Variants in KCNH6 observed in about 807,000 individuals in gnomAD.
KCNH6 encodes the protein voltage-gated inwardly rectifying potassium channel KCNH6.
KCNH6 carries 81 observed loss-of-function variants against 83.4 expected under a neutral mutation model. That is an observed-to-expected ratio of 0.97 (90% CI 0.81 to 1.17). The LOEUF (loss-of-function observed/expected upper bound fraction) is 1.17, where lower values mean the gene tolerates loss of function less well. Among genes scored for constraint, KCNH6 ranks in the 50% most tolerant of loss-of-function variants. The probability of loss-of-function intolerance (pLI) is 0.00; values close to 1 mark genes in which losing one functional copy is unlikely to be tolerated. For synonymous variants in KCNH6, 503 were observed against 545.6 expected (o/e 0.92, Z 1.09); for missense variants, 1,203 against 1,290.5 (o/e 0.93, Z 1.04).
chr17:63,542,366 C>A lies in KCNH6; in HGVS notation c.2080C>A (p.Leu694Met). 6.2e-7 allele frequency: 1 copy of A among 1,614,214 alleles called. No individual in the cohort carries two copies. Among genetic ancestry groups the A allele is most frequent in the Non-Finnish European group, 8.5e-7 (1 of 1,180,046 alleles). ...KIQRADLLEV[L>M]DMYPAFAESF... ...CCAGCGGGCAGATCTGCTGGAGGTG[C>A]TGGACATGTACCCGGCCTTTGCGGA... Residue 694 changes from leucine (L) to methionine (M), a missense_variant, in exon 9 of 13, where the codon CTG becomes ATG. By Grantham distance (15) the Leu-to-Met change is conservative. Coordinates refer to ENST00000314672, the MANE Select transcript of KCNH6 (RefSeq NM_001278919.2).
rs2032378798 is a variant in KCNH6, at chr17:63,534,852, A to G, written c.1101+541A>G. On this transcript the variant is annotated intron_variant, in intron 5 of 12. Transcript: ENST00000314672. The surrounding 1 kb of genome is among the most constrained non-coding windows in gnomAD (Gnocchi z 5.0). Reference sequence around the variant, plus strand: ...GCCTTCTGTGTTCCAGTGCCCCCTTATCACCCCAGCCTGTCCAGCAGGGGG... The same window carrying G: ...GCCTTCTGTGTTCCAGTGCCCCCTTGTCACCCCAGCCTGTCCAGCAGGGGG... Among the ~76,000 whole-genome samples, 1 of 151,648 alleles carries G rather than the reference A, an allele frequency of 6.6e-6. No individual in the cohort carries two copies. Among genetic ancestry groups the G allele is most frequent in the South Asian group, 2.1e-4 (1 of 4,804 alleles).
At chr17:63,541,231 G>A (rs2032839672) in intron 8 of KCNH6, among the ~76,000 whole-genome samples, 1 of 150,550 alleles carries the variant, frequency 6.6e-6, no homozygotes, top group South Asian at 2.1e-4. Flanking sequence ...CATCACCCAT[G>A]TCTACCCTGG....
At chr17:63,537,879 G>A (rs1474718494) in intron 6 of KCNH6, among the ~76,000 whole-genome samples, 186 bp from the exon 7 acceptor site, 1 of 152,230 alleles carries the variant, frequency 6.6e-6, no homozygotes, top group Non-Finnish European at 1.5e-5. Flanking sequence ...ACAGAGGGAG[G>A]AGGGCAGAAA....
rs747377240 is a variant in KCNH6 at position 63,534,048 on chromosome 17, T to C, written c.838T>C (p.Phe280Leu). 5.6e-6 allele frequency: 9 copies of C among 1,614,070 alleles called. No homozygotes were observed. The change falls in exon 5 of 13, where the codon TTC becomes CTC. Residue 280 changes from phenylalanine (F) to leucine (L), a missense_variant. Phe to Leu is a conservative substitution (Grantham distance 22). Transcript: ENST00000314672. The surrounding 1 kb of genome is among the most constrained non-coding windows in gnomAD (Gnocchi z 5.0). ...TGTCTTCACGCCCTACTCAGCCGCC[T>C]TCCTGCTCAGCGATCAGGACGAATC... ...TAVFTPYSAA[F>L]LLSDQDESRR...
chr17:63,536,142 A>T, intron 6 of KCNH6, 74 bp downstream of exon 6: 1 of 1,319,466 alleles, frequency 7.6e-7, no homozygotes, highest in Non-Finnish European at 1.1e-6. Flanking sequence ...GTAGTTTTGT[A>T]CTGAGATAGA....
At position 63,545,111 on chromosome 17, in the gene KCNH6, C is replaced by A. The variant is rs751670672; in HGVS notation, c.2430C>A (p.Arg810=). ...CCCGCGTGTCCTCAGACCTCAGCCG[C>A]ATCTTGCAGCTCCTCCAGAAGCCCA... The part of the protein sequence containing the change: ...LESRVSSDLS[R]ILQLLQKPMP... Residue 810 remains arginine (R), a synonymous_variant, in exon 12 of 13, where the codon CGC becomes CGA. Coordinates refer to ENST00000314672, the MANE Select transcript of KCNH6 (RefSeq NM_001278919.2). The A allele has an allele frequency of 1.9e-6, 3 of 1,613,696 alleles. No individual in the cohort carries two copies. In the South Asian group the frequency reaches 3.3e-5, roughly 18 times the overall value.
intron 2 of KCNH6, among the ~76,000 whole-genome samples, chr17:63,524,731 G>A (rs2031586988): frequency 6.6e-6 from 1 of 152,206 alleles, no homozygotes; most frequent in Admixed American, 6.5e-5. Context: ...CCAAGGATTA[G>A]AGGAGGAGTC....
At chr17:63,524,612 G>T (rs187784185) in intron 2 of KCNH6, among the ~76,000 whole-genome samples, 1 of 152,344 alleles carries the variant, frequency 6.6e-6, no homozygotes, top group Admixed American at 6.5e-5. Flanking sequence ...CTCCTGCTCT[G>T]CCATCCCTCT....
chr17:63,529,575 C>T (rs1597978025), intron 2 of KCNH6, among the ~76,000 whole-genome samples: 1 of 152,216 alleles, frequency 6.6e-6, no homozygotes, highest in South Asian at 2.1e-4. Context: ...ATGCCTGCCC[C>T]CCAAGGACCT....
Position 63,534,904 on chromosome 17 carries a change from A to G in KCNH6, c.1101+593A>G, listed in dbSNP as rs2032382502. On this transcript the variant is annotated intron_variant, in intron 5 of 12. Transcript: ENST00000314672. This position sits in a 1 kb window ranked among gnomAD's most constrained non-coding sequence, Gnocchi z 5.0. ...GTCCAGCAGGGCTCCTCTGCTCCAA[A>G]GCCCCCTAAGACCACCCCTCAACAA... is the stretch of plus-strand genomic sequence containing the variant. Among the ~76,000 whole-genome samples the G allele has an allele frequency of 6.6e-6, 1 of 151,820 alleles. No homozygotes were observed. The highest frequency in any genetic ancestry group is 2.4e-5 in the African/African-American group (1 of 41,310).
At chr17:63,532,157 G>T (rs985690715) in intron 4 of KCNH6, among the ~76,000 whole-genome samples, 1 of 152,134 alleles carries the variant, frequency 6.6e-6, no homozygotes, top group Non-Finnish European at 1.5e-5. Flanking sequence ...AGAAGCTGAG[G>T]AACTCTATTC....
chr17:63,523,615 C>A lies in KCNH6; in HGVS notation c.76+126C>A. On this transcript the variant is annotated intron_variant, in intron 1 of 12. Coordinates refer to ENST00000314672, the MANE Select transcript of KCNH6 (RefSeq NM_001278919.2). The surrounding 1 kb of genome is among the most constrained non-coding windows in gnomAD (Gnocchi z 4.2). ...GAGTGCCGGGTGCTGAATGAAAAAT[C>A]CTTCTTTTGATGTCCCCAACACCTT... 1.2e-6 allele frequency: 1 copy of A among 802,876 alleles called. No individual in the cohort carries two copies. The highest frequency in any genetic ancestry group is 1.9e-6 in the Non-Finnish European group (1 of 528,662). 49.7% of individuals were successfully genotyped at this position (802,876 alleles called of 1,614,324 possible). A position where few individuals can be genotyped will look rare whatever the true frequency, so the allele number is the denominator to read the frequency against.
chr17:63,524,444 G>A, intron 2 of KCNH6, 75 bp downstream of exon 2: 2 of 1,295,830 alleles, frequency 1.5e-6, no homozygotes, highest in Non-Finnish European at 2.2e-6. Context: ...GTGGCCTTGG[G>A]GAAGGCACTG....
At position 63,534,409 on chromosome 17, in the gene KCNH6, G is replaced by T; in HGVS notation, c.1101+98G>T. ...CAGCACTGGGTGCGGAGAGTATCTGGCACTGGGCACCTTTGCTGAAGCACG... is the reference window on the plus strand; with the variant it reads ...CAGCACTGGGTGCGGAGAGTATCTGTCACTGGGCACCTTTGCTGAAGCACG... On this transcript the variant is annotated intron_variant, in intron 5 of 12. Coordinates refer to ENST00000314672, the MANE Select transcript of KCNH6 (RefSeq NM_001278919.2). The surrounding 1 kb of genome is among the most constrained non-coding windows in gnomAD (Gnocchi z 5.0). 1 of 1,234,614 alleles carries T rather than the reference G, an allele frequency of 8.1e-7. No homozygotes were observed. Among genetic ancestry groups the T allele is most frequent in the Non-Finnish European group, 1.1e-6 (1 of 889,996 alleles). The allele number at this position is 1,234,614 out of a possible 1,614,324, so 76.5% of individuals were successfully genotyped here.
rs562375761 is a variant in KCNH6, at chr17:63,545,921, C to A, written c.*19C>A. 2.5e-6 allele frequency: 4 copies of A among 1,609,406 alleles called. No individual in the cohort carries two copies. The East Asian group carries it at 6.7e-5, about 27-fold the overall frequency. ...CCACTGAACTCCAAGATAAAGACAC[C>A]ATGAGGGGACTGAAGGTGGGCAAGG... On this transcript the variant is annotated 3_prime_UTR_variant, in exon 13 of 13. Coordinates refer to ENST00000314672, the MANE Select transcript of KCNH6 (RefSeq NM_001278919.2).
chr17:63,536,688 GGCTCA>G (rs1287254991), intron 6 of KCNH6, among the ~76,000 whole-genome samples: 3 of 151,684 alleles, frequency 2.0e-5, no homozygotes, highest in African/African-American at 7.3e-5. Context: ...CAGGCATGGT[GGCTCA>G]CTCCTGTAAT....
At chr17:63,547,957 C>T (rs974563600), downstream of KCNH6, among the ~76,000 whole-genome samples, 15 of 128,706 alleles carry the variant, frequency 1.2e-4, no homozygotes, top group South Asian at 4.6e-4. Context: ...GAGCAAGACT[C>T]GGTCTCTTAA....
chr17:63,524,926 A>G (rs573783834), intron 2 of KCNH6, among the ~76,000 whole-genome samples: 1 of 152,262 alleles, frequency 6.6e-6, no homozygotes, highest in Admixed American at 6.5e-5. Flanking sequence ...CAAGCAGAAC[A>G]GAAGCGTAAG....
In KCNH6 at chr17:63,542,306, G is replaced by C; in HGVS notation, c.2020G>C (p.Val674Leu). 6.2e-7 allele frequency: 1 copy of C among 1,614,182 alleles called. No individual in the cohort carries two copies. The highest frequency in any genetic ancestry group is 8.5e-7 in the Non-Finnish European group (1 of 1,180,044). The change falls in exon 9 of 13, where the codon GTG (valine) becomes CTG (leucine). Residue 674 changes from valine (V) to leucine (L), a missense_variant. Val to Leu is a conservative substitution (Grantham distance 32). Coordinates refer to ENST00000314672, the MANE Select transcript of KCNH6 (RefSeq NM_001278919.2). Reference protein sequence around the residue: ...HAQPGKSSADVRALTYCDLHK... With the variant: ...HAQPGKSSADLRALTYCDLHK... ...CCAGCCAGGCAAGTCCAGTGCAGAC[G>C]TGCGGGCTCTGACCTACTGCGACCT...
Sources: gnomAD v4.1 joint callset for allele counts (sites outside exome capture counted in the v4.1 genomes callset) on GRCh38, gnomAD v4.1.1 for gene constraint, Gnocchi (gnomAD v3.1) non-coding constraint, MANE v1.5 for transcripts, NCBI Gene and HGNC (gene_info 2026-07-23, HGNC 2026-07-21) for gene names.